Variants in RBFOX1 observed in about 807,000 individuals in gnomAD.
RBFOX1 encodes RNA binding protein fox-1 homolog 1.
In RBFOX1, 8 loss-of-function variants were observed where a neutral mutation model predicts 57.7. The observed-to-expected ratio is 0.14, with a 90% CI of 0.08 to 0.25. The LOEUF (loss-of-function observed/expected upper bound fraction) is 0.25, where lower values mean the gene tolerates loss of function less well. RBFOX1 is among the 10% of genes least tolerant of loss of function. The pLI, the probability that RBFOX1 is intolerant of heterozygous loss-of-function variation, is 1.00. For missense variants in RBFOX1, 611 were observed against 548.5 expected, an observed-to-expected ratio of 1.11 and a Z score of -1.14; for synonymous variants, 326 against 222.4, an observed-to-expected ratio of 1.47 and a Z score of -4.15.
chr16:5,667,084 C>T (rs139099278), intron 3 of RBFOX1, among the ~76,000 whole-genome samples: 2 of 152,256 alleles, frequency 1.3e-5, no homozygotes, highest in Admixed American at 1.3e-4. Context: ...ATAGGTCATT[C>T]CCTATTTCAC....
At chr16:5,459,728 C>A (rs1275054049) in intron 1 of RBFOX1, among the ~76,000 whole-genome samples, 1 of 152,118 alleles carries the variant, frequency 6.6e-6, no homozygotes, top group African/African-American at 2.4e-5. Context: ...TACACACATG[C>A]ACGCACACAC....
At chr16:7,688,001 A>T (rs1275295544) in intron 14 of RBFOX1, among the ~76,000 whole-genome samples, 2 of 152,054 alleles carry the variant, frequency 1.3e-5, no homozygotes, top group Non-Finnish European at 2.9e-5. Context: ...TTTTATTTAA[A>T]AAACAATCCT....
intron 6 of RBFOX1, among the ~76,000 whole-genome samples, chr16:7,581,184 G>C (rs2093730693): frequency 6.6e-6 from 1 of 152,166 alleles, no homozygotes; most frequent in Non-Finnish European, 1.5e-5. Context: ...TGACATTTCA[G>C]AGGAAAAGGT....
intron 4 of RBFOX1, among the ~76,000 whole-genome samples, chr16:7,447,958 A>G (rs566342220): frequency 2.7e-4 from 41 of 152,306 alleles, no homozygotes; most frequent in African/African-American, 9.6e-4. Flanking sequence ...CTTCCAAAGT[A>G]CTGAATCAGG....
chr16:6,797,406 G>A (rs752163670), intron 3 of RBFOX1, among the ~76,000 whole-genome samples: 2 of 152,096 alleles, frequency 1.3e-5, no homozygotes, highest in African/African-American at 2.4e-5. Context: ...GCGAGAGAAA[G>A]GGGGAGAGAG....
At chr16:7,162,266 CCT>C (rs1340761274) in intron 4 of RBFOX1, among the ~76,000 whole-genome samples, 6 of 152,236 alleles carry the variant, frequency 3.9e-5, no homozygotes, top group South Asian at 2.1e-4. Context: ...ACTTATATTT[CCT>C]CTCTCTCCAT....
At chr16:5,636,174 C>T (rs1433945018) in intron 3 of RBFOX1, among the ~76,000 whole-genome samples, 1 of 152,056 alleles carries the variant, frequency 6.6e-6, no homozygotes, top group African/African-American at 2.4e-5. Context: ...ATGGTGAAAC[C>T]CCATCTCTAC....
At chr16:5,909,042 C>G (rs1280464990) in intron 4 of RBFOX1, among the ~76,000 whole-genome samples, 3 of 149,842 alleles carry the variant, frequency 2.0e-5, no homozygotes, top group African/African-American at 7.4e-5. Context: ...GTATAAACCA[C>G]TTAGTTCATG....
chr16:7,651,390 G>C (rs1234400534), intron 11 of RBFOX1, among the ~76,000 whole-genome samples: 1 of 152,154 alleles, frequency 6.6e-6, no homozygotes, highest in African/African-American at 2.4e-5. Flanking sequence ...ATGGGTGTAG[G>C]TGTAATTCTT....
At chr16:6,946,898 C>G (rs577114693) in intron 3 of RBFOX1, among the ~76,000 whole-genome samples, 1 of 152,224 alleles carries the variant, frequency 6.6e-6, no homozygotes, top group South Asian at 2.1e-4. Flanking sequence ...TATGAGTCAC[C>G]ACATCCAGCC....
chr16:7,191,651 A>T (rs953708725), intron 4 of RBFOX1, among the ~76,000 whole-genome samples: 5 of 152,270 alleles, frequency 3.3e-5, no homozygotes, highest in African/African-American at 1.2e-4. Flanking sequence ...GCATATCATT[A>T]CAGTGCGTGT....
chr16:7,097,116 G>A (rs1286768157), intron 4 of RBFOX1, among the ~76,000 whole-genome samples: 1 of 152,038 alleles, frequency 6.6e-6, no homozygotes, highest in Non-Finnish European at 1.5e-5. Flanking sequence ...AAATGTGCTT[G>A]GGAAATGCAA....
At chr16:6,251,387 C>G (rs1167923986) in intron 1 of RBFOX1, among the ~76,000 whole-genome samples, 2 of 152,026 alleles carry the variant, frequency 1.3e-5, no homozygotes, top group Non-Finnish European at 2.9e-5. Flanking sequence ...AGTCACCTGC[C>G]CAAAGTCACA....
chr16:7,285,918 C>A (rs1172733383), intron 4 of RBFOX1, among the ~76,000 whole-genome samples: 1 of 152,152 alleles, frequency 6.6e-6, no homozygotes, highest in Admixed American at 6.6e-5. Context: ...CATGCTGGGA[C>A]ATGATTTTTA....
chr16:5,962,671 C>T (rs1467906871), intron 4 of RBFOX1, among the ~76,000 whole-genome samples: 1 of 152,000 alleles, frequency 6.6e-6, no homozygotes. Flanking sequence ...GCTAACAGAT[C>T]GTAGAAGGTG....
intron 2 of RBFOX1, among the ~76,000 whole-genome samples, chr16:5,548,170 AAAAAATATATATATAT>A (rs1357041281): frequency 0.036 from 1,485 of 40,718 alleles, 84 homozygotes; most frequent in Admixed American, 0.074. Flanking sequence ...AAAAAAAAAA[AAAAAATATATATATAT>A]ATATATATAT....
At chr16:5,807,678 A>G (rs796540826) in intron 3 of RBFOX1, among the ~76,000 whole-genome samples, 16 of 152,256 alleles carry the variant, frequency 1.1e-4, no homozygotes, top group African/African-American at 3.9e-4. Context: ...CTGGCTTCTG[A>G]GAGAGAGGGA....
At chr16:5,424,923 C>G (rs867738305) in intron 1 of RBFOX1, among the ~76,000 whole-genome samples, 31 of 89,634 alleles carry the variant, frequency 3.5e-4, no homozygotes, top group Non-Finnish European at 6.2e-4. Context: ...TTCTTTCTTT[C>G]TTTCTTTCTT....
intron 1 of RBFOX1, among the ~76,000 whole-genome samples, chr16:6,229,189 C>T (rs1435417615): frequency 6.6e-6 from 1 of 152,100 alleles, no homozygotes; most frequent in Non-Finnish European, 1.5e-5. Flanking sequence ...ATTCTGTAGT[C>T]TGAAAGGTCA....
Sources: gnomAD v4.1 joint callset for allele counts (sites outside exome capture counted in the v4.1 genomes callset) on GRCh38, gnomAD v4.1.1 for gene constraint, MANE v1.5 for transcripts, NCBI Gene and HGNC (gene_info 2026-07-23, HGNC 2026-07-21) for gene names.